The following TRIM2 variants were observed in gnomAD, a reference collection of about 807,000 sequenced individuals.
TRIM2 encodes the protein tripartite motif-containing protein 2.
In TRIM2, 20 loss-of-function variants were observed where a neutral mutation model predicts 75.2. The observed-to-expected ratio is 0.27, with a 90% CI of 0.19 to 0.39. TRIM2 has a LOEUF of 0.39. Among genes scored for constraint, TRIM2 ranks in the 10% least tolerant of loss-of-function variants. The pLI is 1.00. For missense variants in TRIM2, 660 were observed against 990.8 expected (o/e 0.67, Z 4.48); for synonymous variants, 373 against 388.3 (o/e 0.96, Z 0.46).
intron 1 of TRIM2, among the ~76,000 whole-genome samples, chr4:153,178,924 G>A (rs926217987): frequency 1.3e-5 from 2 of 152,162 alleles, no homozygotes; most frequent in South Asian, 2.1e-4. Context: ...AAGTTGTCAG[G>A]TCTCAAGCTC....
chr4:153,190,493 G>A (rs1733070046), intron 1 of TRIM2, among the ~76,000 whole-genome samples: 1 of 150,060 alleles, frequency 6.7e-6, no homozygotes, highest in Non-Finnish European at 1.5e-5. Context: ...ATATGAAGAA[G>A]TTGAGGCTTA....
At chr4:153,322,856 T>C (rs1420907020) in intron 9 of TRIM2, 40 bp downstream of exon 9, 1 of 1,610,384 alleles carries the variant, frequency 6.2e-7, no homozygotes, top group East Asian at 2.2e-5. Flanking sequence ...TTTTTTATGC[T>C]TCTTCTGCTC....
chr4:153,287,049 G>C (rs958014475), intron 3 of TRIM2, among the ~76,000 whole-genome samples: 1 of 151,678 alleles, frequency 6.6e-6, no homozygotes, highest in South Asian at 2.1e-4. Context: ...CATGATCATA[G>C]CTCACTGCAG....
Position 153,335,375 on chromosome 4 carries a change from C to T in TRIM2, c.*409C>T, listed in dbSNP as rs1204294583. On this transcript the variant is annotated 3_prime_UTR_variant, in exon 12 of 12. Coordinates refer to ENST00000338700, the MANE Select transcript of TRIM2 (RefSeq NM_015271.5). Reference sequence around the variant, plus strand: ...AAACAAAATCTATTGTAGTTATATACTTCATTTAACCTAGGTCACAAGACC... The same window carrying T: ...AAACAAAATCTATTGTAGTTATATATTTCATTTAACCTAGGTCACAAGACC... The T allele has an allele frequency of 2.0e-6, 2 of 986,860 alleles. No individual in the cohort carries two copies. Among genetic ancestry groups the T allele is most frequent in the African/African-American group, 1.7e-5 (1 of 57,294 alleles). 61.1% of individuals were successfully genotyped at this position (986,860 alleles called of 1,614,324 possible).
At chr4:153,280,445 A>G (rs1462948899) in intron 3 of TRIM2, among the ~76,000 whole-genome samples, 1 of 135,218 alleles carries the variant, frequency 7.4e-6, no homozygotes, top group African/African-American at 2.9e-5. Flanking sequence ...AAGTGGCACT[A>G]TCTATCATGG....
intron 1 of TRIM2, among the ~76,000 whole-genome samples, chr4:153,169,245 T>C (rs1298428886): frequency 6.6e-6 from 1 of 152,234 alleles, no homozygotes; most frequent in Non-Finnish European, 1.5e-5. Flanking sequence ...GTGGAGAGGC[T>C]GTTACTTACG....
In TRIM2 at chr4:153,295,637, A is replaced by G. The variant is rs1433269387; in HGVS notation, c.1111A>G (p.Met371Val). The part of the protein sequence containing the change: ...GLRQTIIGQP[M>V]SVTITTKDKD... ...GCGGCAGACCATCATCGGGCAGCCC[A>G]TGTCCGTCACCATCACCACCAAGGA... Residue 371 changes from methionine (M) to valine (V), a missense_variant, in exon 6 of 12, where the codon ATG becomes GTG. Physicochemically the swap from Met to Val is conservative, Grantham distance 21 (BLOSUM62 1). Around this residue, in one of 2 missense-constraint regions of TRIM2, gnomAD observed 620 missense variants for 891.0 expected, o/e 0.70. Transcript: ENST00000338700. The surrounding 1 kb of genome is among the most constrained non-coding windows in gnomAD (Gnocchi z 7.2). 4 of 1,614,022 alleles carry G rather than the reference A, an allele frequency of 2.5e-6. No homozygotes were observed.
intron 1 of TRIM2, among the ~76,000 whole-genome samples, chr4:153,178,637 T>C (rs1046200652): frequency 6.6e-6 from 1 of 152,320 alleles, no homozygotes; most frequent in African/African-American, 2.4e-5. Context: ...TAATACAGAA[T>C]GACTCCTGGT....
Position 153,337,138 on chromosome 4 carries a change from T to G in TRIM2, c.*2172T>G. 1.0e-6 allele frequency: 1 copy of G among 985,434 alleles called. No homozygotes were observed. The highest frequency in any genetic ancestry group is 1.2e-6 in the Non-Finnish European group (1 of 829,920). 61.0% of individuals were successfully genotyped at this position (985,434 alleles called of 1,614,324 possible). Reference sequence around the variant, plus strand: ...CTGCACAAAAGACAGGCTAGACTCTTGTCTAGATTGTTTAAAAGAAACTTT... The same window carrying G: ...CTGCACAAAAGACAGGCTAGACTCTGGTCTAGATTGTTTAAAAGAAACTTT... On this transcript the variant is annotated 3_prime_UTR_variant, in exon 12 of 12. Coordinates refer to ENST00000338700, the MANE Select transcript of TRIM2 (RefSeq NM_015271.5).
intron 1 of TRIM2, among the ~76,000 whole-genome samples, chr4:153,172,136 T>C (rs540097901): frequency 3.4e-5 from 2 of 59,098 alleles, no homozygotes; most frequent in East Asian, 8.0e-4. Flanking sequence ...CCTTTTATGA[T>C]AGTAATTTTT....
At chr4:153,198,090 A>G (rs751920412) in intron 1 of TRIM2, among the ~76,000 whole-genome samples, 6 of 152,220 alleles carry the variant, frequency 3.9e-5, no homozygotes, top group Non-Finnish European at 8.8e-5. Context: ...TTGTTATAAC[A>G]GCCCAAATAG....
chr4:153,180,201 T>C (rs1731908718), intron 1 of TRIM2, among the ~76,000 whole-genome samples: 1 of 152,376 alleles, frequency 6.6e-6, no homozygotes, highest in African/African-American at 2.4e-5. Context: ...AACAGCCCCA[T>C]TAACTCTACT....
At chr4:153,309,259 G>A (rs1765706273) in intron 6 of TRIM2, among the ~76,000 whole-genome samples, 1 of 152,144 alleles carries the variant, frequency 6.6e-6, no homozygotes, top group Non-Finnish European at 1.5e-5. Context: ...GGAAAAAAGT[G>A]TTATGTAAAG....
intron 2 of TRIM2, among the ~76,000 whole-genome samples, chr4:153,274,171 G>A (rs1173875055): frequency 6.6e-6 from 1 of 152,186 alleles, no homozygotes; most frequent in African/African-American, 2.4e-5. Flanking sequence ...GTGGGAGGGA[G>A]ATTTAAATGG....
chr4:153,307,526 T>C lies in TRIM2; in HGVS notation c.1511-7959T>C, dbSNP rs149179586. On this transcript the variant is annotated intron_variant, in intron 6 of 11. Coordinates refer to ENST00000338700, the MANE Select transcript of TRIM2 (RefSeq NM_015271.5). Reference sequence around the variant, plus strand: ...GACACAGTACACAGGAGGCAAAGTGTTTCACATCATAGACTTCACTTCCAA... The same window carrying C: ...GACACAGTACACAGGAGGCAAAGTGCTTCACATCATAGACTTCACTTCCAA... Among the ~76,000 whole-genome samples, 1,026 of 152,286 alleles carry C rather than the reference T, an allele frequency of 6.7e-3. 11 individuals are homozygous for C. Among genetic ancestry groups the C allele is most frequent in the African/African-American group, 0.023 (967 of 41,552 alleles).
intron 1 of TRIM2, among the ~76,000 whole-genome samples, chr4:153,179,946 G>A (rs1731880261): frequency 6.6e-6 from 1 of 152,020 alleles, no homozygotes; most frequent in African/African-American, 2.4e-5. Context: ...AAATCTATAC[G>A]GTTAATTGGC....
At chr4:153,155,293 A>G (rs965308422) in intron 1 of TRIM2, among the ~76,000 whole-genome samples, 2 of 152,252 alleles carry the variant, frequency 1.3e-5, no homozygotes, top group African/African-American at 2.4e-5. Flanking sequence ...GTGATTCTGA[A>G]ATATTACATA....
intron 1 of TRIM2, among the ~76,000 whole-genome samples, chr4:153,239,318 C>T (rs1351340272): frequency 6.6e-6 from 1 of 150,680 alleles, no homozygotes; most frequent in African/African-American, 2.5e-5. Flanking sequence ...TGCCACTGCA[C>T]TCCAGCCTAG....
At chr4:153,282,119 C>T (rs1759484124) in intron 3 of TRIM2, among the ~76,000 whole-genome samples, 1 of 152,220 alleles carries the variant, frequency 6.6e-6, no homozygotes, top group Non-Finnish European at 1.5e-5. Context: ...ACAACAAGCT[C>T]ATCCTAGCTT....
Sources: allele counts gnomAD v4.1 joint callset (sites outside exome capture counted in the v4.1 genomes callset), GRCh38; gene constraint gnomAD v4.1.1; regional missense constraint gnomAD v4.1.1; non-coding constraint Gnocchi (gnomAD v3.1); transcripts MANE v1.5; gene names NCBI Gene and HGNC (gene_info 2026-07-23, HGNC 2026-07-21).